Variants in PHYH observed in about 807,000 individuals in gnomAD.
PHYH encodes phytanoyl-CoA dioxygenase, peroxisomal.
Under a neutral mutation model 38.5 loss-of-function variants are expected in PHYH, and 32 were observed. That is an observed-to-expected ratio of 0.83 (90% confidence interval 0.63 to 1.12). The LOEUF (loss-of-function observed/expected upper bound fraction) is 1.12, where lower values mean the gene tolerates loss of function less well. PHYH is among the 50% of genes most tolerant of loss of function. The pLI, the probability that PHYH is intolerant of heterozygous loss-of-function variation, is 0.00. For synonymous variants in PHYH, 166 were observed against 157.9 expected (o/e 1.05, Z -0.38); for missense variants, 426 against 434.8 (o/e 0.98, Z 0.18).
chr10:13,292,915 A>C (rs2131647696), intron 4 of PHYH, among the ~76,000 whole-genome samples: 1 of 136,994 alleles, frequency 7.3e-6, no homozygotes, highest in South Asian at 2.6e-4. Context: ...CCTGGGCAAC[A>C]AGAGTGAGAC....
intron 5 of PHYH, among the ~76,000 whole-genome samples, chr10:13,290,141 A>T (rs1216530962): frequency 7.0e-6 from 1 of 142,082 alleles, no homozygotes; most frequent in Non-Finnish European, 1.5e-5. Flanking sequence ...AAAAAAAAAA[A>T]AAAATTAGCT....
At chr10:13,291,968 C>A in intron 4 of PHYH, 56 bp from the exon 5 acceptor site, 3 of 1,200,470 alleles carry the variant, frequency 2.5e-6, no homozygotes, top group Non-Finnish European at 3.7e-6. Context: ...GAAGTATTGA[C>A]AACTGGTACA....
intron 1 of PHYH, among the ~76,000 whole-genome samples, chr10:13,298,770 A>ACTACTG (rs1554785646): frequency 4.3e-4 from 52 of 120,574 alleles, no homozygotes; most frequent in Admixed American, 1.4e-3. Context: ...TACTGCTACT[A>ACTACTG]CTACTACTAC....
chr10:13,291,231 G>A (rs1835703451), intron 5 of PHYH, among the ~76,000 whole-genome samples: 1 of 151,454 alleles, frequency 6.6e-6, no homozygotes, highest in Admixed American at 6.6e-5. Context: ...CAGCTAAAAA[G>A]AGCTGATCAA....
chr10:13,295,294 A>T (rs1174638611), intron 3 of PHYH: 2 of 559,144 alleles, frequency 3.6e-6, no homozygotes, highest in Non-Finnish European at 6.4e-6. Flanking sequence ...GCACCACTGC[A>T]CTCAGCCTAC....
chr10:13,299,365 C>A, intron 1 of PHYH: 1 of 905,144 alleles, frequency 1.1e-6, no homozygotes, highest in Non-Finnish European at 1.3e-6. Flanking sequence ...CTGGCCTTGG[C>A]CCCCAGAAGA....
At chr10:13,280,160 G>A (rs1181078609) in intron 8 of PHYH, among the ~76,000 whole-genome samples, 3 of 152,076 alleles carry the variant, frequency 2.0e-5, no homozygotes, top group Non-Finnish European at 4.4e-5. Flanking sequence ...GTAGAGACGG[G>A]GTTTCACCAT....
intron 1 of PHYH, chr10:13,299,575 G>C (rs1187343762): frequency 2.9e-6 from 3 of 1,024,950 alleles, no homozygotes; most frequent in Non-Finnish European, 3.5e-6. Context: ...TGCCTGCCTG[G>C]GCCGGTTCCA....
Position 13,281,075 on chromosome 10 carries a change from G to A in PHYH, c.864C>T (p.His288=), listed in dbSNP as rs779606174. The change falls in exon 8 of 9, where the codon CAC becomes CAT. Residue 288 remains histidine (H), a synonymous_variant. Transcript: ENST00000263038. ...ISCHFASADC[H]YIDVKGTSQE... is the part of the protein sequence containing the mutation. ...GACTGGTGCCCTTCACGTCAATGTA[G>A]TGGCAATCGGCACTGGCGAAATGGC... 3.1e-6 allele frequency: 5 copies of A among 1,613,984 alleles called. No individual in the cohort carries two copies. In the African/African-American group the frequency reaches 5.3e-5, roughly 17 times the overall value.
intron 7 of PHYH, 115 bp downstream of exon 7, chr10:13,283,575 A>G: frequency 8.9e-7 from 1 of 1,124,486 alleles, no homozygotes; most frequent in Non-Finnish European, 1.3e-6. Context: ...AATCTTTAAA[A>G]TGTTAATGCA....
At chr10:13,286,815 G>C (rs1835562875) in intron 6 of PHYH, among the ~76,000 whole-genome samples, 1 of 152,048 alleles carries the variant, frequency 6.6e-6, no homozygotes, top group Non-Finnish European at 1.5e-5. Flanking sequence ...TCTATACTAT[G>C]TGATTACATG....
At chr10:13,299,348 T>A (rs1832676793) in intron 1 of PHYH, 1 of 735,626 alleles carries the variant, frequency 1.4e-6, no homozygotes, top group Non-Finnish European at 1.7e-6. Flanking sequence ...ACTGTAACCC[T>A]GGACTCCTGG....
At position 13,278,182 on chromosome 10, in the gene PHYH, T is replaced by C. The variant is rs1564417847; in HGVS notation, c.*119A>G. Reference sequence around the variant, plus strand: ...TCTATGCAATTAAGTACCTGATACATGTTTTCTGCTTTTAACAAGTGATAG... The same window carrying C: ...TCTATGCAATTAAGTACCTGATACACGTTTTCTGCTTTTAACAAGTGATAG... On this transcript the variant is annotated 3_prime_UTR_variant, in exon 9 of 9. Transcript: ENST00000263038. 2 of 742,170 alleles carry C rather than the reference T, an allele frequency of 2.7e-6. No homozygotes were observed. Among genetic ancestry groups the C allele is most frequent in the South Asian group, 1.5e-5 (1 of 68,790 alleles). 46.0% of individuals were successfully genotyped at this position (742,170 alleles called of 1,614,324 possible).
At chr10:13,288,622 TAAAA>T in intron 5 of PHYH, 81 bp from the exon 6 acceptor site, 4 of 1,393,292 alleles carry the variant, frequency 2.9e-6, no homozygotes, top group Non-Finnish European at 4.1e-6. Flanking sequence ...CTTTGGGATA[TAAAA>T]ATATATCCCA....
chr10:13,296,907 T>C (rs950896236), intron 2 of PHYH, among the ~76,000 whole-genome samples: 8 of 151,896 alleles, frequency 5.3e-5, no homozygotes, highest in African/African-American at 1.9e-4. Flanking sequence ...TGAAGCAAGA[T>C]GGCACCACTG....
Position 13,294,746 on chromosome 10 carries a change from G to C in PHYH, c.246-150C>G, listed in dbSNP as rs1165482311. On this transcript the variant is annotated intron_variant, in intron 3 of 8. Coordinates refer to ENST00000263038, the MANE Select transcript of PHYH (RefSeq NM_006214.4). ...GAGGTAGAATAATTCCAATGAAAGG[G>C]AGGAGAAACTGTCTGGCTAGAATCC... 2.9e-5 allele frequency: 20 copies of C among 685,324 alleles called. No homozygotes were observed. The Admixed American group carries it at 3.4e-4, about 12-fold the overall frequency. 42.5% of individuals were successfully genotyped at this position (685,324 alleles called of 1,614,324 possible).
chr10:13,295,621 G>A lies in PHYH; in HGVS notation c.135-15C>T. On this transcript the variant is annotated splice_polypyrimidine_tract_variant and intron_variant, in intron 2 of 8. Coordinates refer to ENST00000263038, the MANE Select transcript of PHYH (RefSeq NM_006214.4). ...CCAGAGTATACCTAAAGGAGAAAAA[G>A]AATCCCAAAATAAGTTACATTTTTA... 1 of 1,008,796 alleles carries A rather than the reference G, an allele frequency of 9.9e-7. No homozygotes were observed. The highest frequency in any genetic ancestry group is 1.6e-6 in the Non-Finnish European group (1 of 627,602). 62.5% of individuals were successfully genotyped at this position (1,008,796 alleles called of 1,614,324 possible). A position where few individuals can be genotyped will look rare whatever the true frequency, so the allele number is the denominator to read the frequency against.
At chr10:13,299,745 C>A (rs732702) in intron 1 of PHYH, 1 of 1,309,008 alleles carries the variant, frequency 7.6e-7, no homozygotes, top group African/African-American at 1.6e-5. Context: ...CGGCAATTGC[C>A]CCGACCCCAG....
intron 5 of PHYH, among the ~76,000 whole-genome samples, chr10:13,288,922 CAAAAAAAAAAAAAAAAA>C (rs36019637): frequency 2.4e-5 from 1 of 40,902 alleles, no homozygotes; most frequent in Non-Finnish European, 4.0e-5. Context: ...CACCCCCAAC[CAAAAAAAAAAAAAAAAA>C]AAAAAAAAAG....
Sources: allele counts gnomAD v4.1 joint callset (sites outside exome capture counted in the v4.1 genomes callset), GRCh38; gene constraint gnomAD v4.1.1; transcripts MANE v1.5; gene names NCBI Gene and HGNC (gene_info 2026-07-23, HGNC 2026-07-21).